PDE1C: variants seen among roughly 807,000 people sequenced by gnomAD.
PDE1C encodes the protein dual specificity calcium/calmodulin-dependent 3',5'-cyclic nucleotide phosphodiesterase 1C.
Under a neutral mutation model 93.1 loss-of-function variants are expected in PDE1C, and 62 were observed. The ratio of observed to expected loss-of-function variants is 0.67; its 90% CI spans 0.54 to 0.82. The LOEUF (loss-of-function observed/expected upper bound fraction) is 0.82. PDE1C is among the 40% of genes least tolerant of loss of function. PDE1C has a pLI of 0.00. For missense variants in PDE1C, 742 were observed against 884.6 expected, an observed-to-expected ratio of 0.84 and a Z score of 2.04; for synonymous variants, 325 against 310.1, an observed-to-expected ratio of 1.05 and a Z score of -0.50.
chr7:32,410,666 G>A (rs1308686954), intron 1 of PDE1C, among the ~76,000 whole-genome samples: 1 of 149,250 alleles, frequency 6.7e-6, no homozygotes, highest in Admixed American at 6.6e-5. Flanking sequence ...GGCACTGGTA[G>A]GAGATCAGAA....
chr7:32,349,850 G>C (rs1390106726), intron 1 of PDE1C, among the ~76,000 whole-genome samples: 1 of 152,052 alleles, frequency 6.6e-6, no homozygotes, highest in Non-Finnish European at 1.5e-5. Flanking sequence ...AGGCTGACTC[G>C]AACTCCTGAC....
At chr7:31,863,904 GC>G (rs1794969408) in intron 7 of PDE1C, among the ~76,000 whole-genome samples, 1 of 152,078 alleles carries the variant, frequency 6.6e-6, no homozygotes, top group South Asian at 2.1e-4. Flanking sequence ...TAGCTCCAAA[GC>G]CCACAATCCT....
intron 3 of PDE1C, among the ~76,000 whole-genome samples, chr7:32,082,292 T>C (rs1198511624): frequency 1.3e-5 from 2 of 152,048 alleles, no homozygotes; most frequent in East Asian, 1.9e-4. Flanking sequence ...AACTGCAAGG[T>C]GGCAGCGAGG....
chr7:31,694,387 AACACAC>A, the PDE1C span, among the ~76,000 whole-genome samples: 19 of 141,676 alleles, frequency 1.3e-4, no homozygotes, highest in Non-Finnish European at 2.0e-4. Flanking sequence ...CTCTCTCTCA[AACACAC>A]ACACACACAC....
rs1023286984 is a variant in PDE1C at position 32,205,228 on chromosome 7, C to A, written c.136+4261G>T. Reference sequence around the variant, plus strand: ...CTCTAGTCCTTCACATAGTCCATGACCAGCATCTGTTCTGATGTTCAGTGA... The same window carrying A: ...CTCTAGTCCTTCACATAGTCCATGAACAGCATCTGTTCTGATGTTCAGTGA... On this transcript the variant is annotated intron_variant, in intron 2 of 18. Coordinates refer to the PDE1C transcript ENST00000396193. 2.0e-5 allele frequency among the ~76,000 whole-genome samples: 3 copies of A among 152,190 alleles called. No individual in the cohort carries two copies. The East Asian group carries it at 5.8e-4, about 29-fold the overall frequency.
At chr7:31,652,931 T>C in the PDE1C span, 3 of 1,518,390 alleles carry the variant, frequency 2.0e-6, no homozygotes, top group East Asian at 2.3e-5. Context: ...TGCCAACCCA[T>C]TGTCAGCTAT....
intron 14 of PDE1C, chr7:31,820,618 G>A (rs1583468160): frequency 6.6e-6 from 1 of 151,960 alleles, no homozygotes; most frequent in African/African-American, 2.4e-5. Context: ...CCCCACGGAG[G>A]ACAGCCTTTC....
At chr7:31,807,230 G>C (rs982030739) in intron 16 of PDE1C, among the ~76,000 whole-genome samples, 3 of 151,906 alleles carry the variant, frequency 2.0e-5, no homozygotes, top group African/African-American at 7.2e-5. Context: ...GGACCTACTT[G>C]AGGAAGTGGA....
chr7:31,768,286 C>T (rs888919699), intron 17 of PDE1C, among the ~76,000 whole-genome samples: 5 of 152,138 alleles, frequency 3.3e-5, no homozygotes, highest in Non-Finnish European at 7.4e-5. Flanking sequence ...GCCAGTGAGT[C>T]GGGCCAGGCT....
chr7:32,128,904 CAAATATATAT>C (rs1447075559), intron 3 of PDE1C, among the ~76,000 whole-genome samples: 7 of 40,796 alleles, frequency 1.7e-4, no homozygotes, highest in African/African-American at 5.3e-4. Context: ...TAAAGTATAA[CAAATATATAT>C]ATATATATAT....
chr7:31,734,312 CA>C, the PDE1C span, among the ~76,000 whole-genome samples: 1 of 152,122 alleles, frequency 6.6e-6, no homozygotes, highest in Non-Finnish European at 1.5e-5. Flanking sequence ...CCCCCTCTTT[CA>C]TCAGAAAAGG....
the PDE1C span, among the ~76,000 whole-genome samples, chr7:31,638,540 C>CT: frequency 3.5e-4 from 54 of 152,158 alleles, no homozygotes; most frequent in African/African-American, 1.3e-3. Context: ...AGTCAATTAT[C>CT]TTTTTTAAAG....
chr7:31,922,868 G>A (rs1802809537), intron 2 of PDE1C, among the ~76,000 whole-genome samples: 2 of 152,156 alleles, frequency 1.3e-5, no homozygotes, highest in Non-Finnish European at 2.9e-5. Flanking sequence ...CAAAGTCCTT[G>A]AAAGAATGTC....
chr7:31,874,851 A>C (rs1583719267), intron 5 of PDE1C, among the ~76,000 whole-genome samples: 2 of 152,368 alleles, frequency 1.3e-5, no homozygotes, highest in Admixed American at 1.3e-4. Flanking sequence ...TCGCAAGTCT[A>C]GAGATAGGTG....
chr7:32,179,411 C>T (rs547163119), intron 2 of PDE1C, among the ~76,000 whole-genome samples: 4 of 152,160 alleles, frequency 2.6e-5, no homozygotes, highest in African/African-American at 7.2e-5. Flanking sequence ...CAGACGTCCG[C>T]CACCATGCCC....
intron 1 of PDE1C, among the ~76,000 whole-genome samples, chr7:32,372,797 A>C (rs1045292317): frequency 1.3e-5 from 2 of 152,232 alleles, no homozygotes; most frequent in Non-Finnish European, 2.9e-5. Context: ...AAAATGAGCA[A>C]GTAATCTGAA....
At chr7:32,115,277 C>G (rs1314165044) in intron 3 of PDE1C, among the ~76,000 whole-genome samples, 1 of 152,160 alleles carries the variant, frequency 6.6e-6, no homozygotes, top group Non-Finnish European at 1.5e-5. Context: ...CCACAGAATA[C>G]TATGCAGCCA....
At chr7:32,375,713 T>A (rs553251487) in intron 1 of PDE1C, among the ~76,000 whole-genome samples, 1 of 152,376 alleles carries the variant, frequency 6.6e-6, no homozygotes, top group African/African-American at 2.4e-5. Context: ...GCCTCTGCTC[T>A]GCTGCCAACA....
chr7:32,376,524 A>T (rs1784434878), intron 1 of PDE1C, among the ~76,000 whole-genome samples: 1 of 152,314 alleles, frequency 6.6e-6, no homozygotes, highest in East Asian at 1.9e-4. Flanking sequence ...TGCTCATGGT[A>T]GATCCACCAG....
Sources: allele counts gnomAD v4.1 joint callset (sites outside exome capture counted in the v4.1 genomes callset), GRCh38; gene constraint gnomAD v4.1.1; transcripts MANE v1.5; gene names NCBI Gene and HGNC (gene_info 2026-07-23, HGNC 2026-07-21).